ABI3: variants seen among roughly 807,000 people sequenced by gnomAD.
The protein encoded by ABI3 is ABI gene family member 3.
In ABI3, 24 loss-of-function variants were observed where a neutral mutation model predicts 37.0. That is an observed-to-expected ratio of 0.65 (90% confidence interval 0.47 to 0.91). The LOEUF is 0.91. Among genes scored for constraint, ABI3 ranks in the 40% least tolerant of loss-of-function variants. The pLI is 0.00. For synonymous variants in ABI3, 220 were observed against 211.8 expected (o/e 1.04, Z -0.34); for missense variants, 481 against 485.1 (o/e 0.99, Z 0.08).
At position 49,210,741 on chromosome 17, in the gene ABI3, A is replaced by C. The variant is rs2043156194; in HGVS notation, c.17A>C (p.Gln6Pro). MAELQ[Q>P]LQEFEIPTGR... The stretch of plus-strand genomic sequence containing the variant: ...CTGGGGGTGATGGCGGAGCTACAGC[A>C]GCTGCAGGAGTTTGAGATCCCCACT... Residue 6 changes from glutamine (Q) to proline (P), a missense_variant, in exon 1 of 8, where the codon CAG becomes CCG. By Grantham distance (76) the Gln-to-Pro change is moderately conservative. Transcript: ENST00000225941. This position sits in a 1 kb window ranked among gnomAD's most constrained non-coding sequence, Gnocchi z 4.2. 2 of 1,556,090 alleles carry C rather than the reference A, an allele frequency of 1.3e-6. No individual in the cohort carries two copies. Among genetic ancestry groups the C allele is most frequent in the Non-Finnish European group, 1.7e-6 (2 of 1,149,868 alleles).
intron 3 of ABI3, among the ~76,000 whole-genome samples, chr17:49,218,770 AT>A (rs71144583): frequency 4.7e-3 from 625 of 131,738 alleles, no homozygotes; most frequent in Middle Eastern, 7.6e-3. Context: ...TGCCCGGCTA[AT>A]TTTTTTTTTT....
intron 3 of ABI3, among the ~76,000 whole-genome samples, chr17:49,218,792 T>C (rs1486431829): frequency 2.0e-5 from 3 of 147,700 alleles, no homozygotes; most frequent in African/African-American, 7.6e-5. Flanking sequence ...TTTTTTTGTA[T>C]TTTTAGTAGA....
Position 49,219,699 on chromosome 17 carries a change from G to A in ABI3, c.548+74G>A, listed in dbSNP as rs1598244356. On this transcript the variant is annotated intron_variant, in intron 4 of 7. Coordinates refer to ENST00000225941, the MANE Select transcript of ABI3 (RefSeq NM_016428.3). The surrounding 1 kb of genome is among the most constrained non-coding windows in gnomAD (Gnocchi z 4.3). ...CCTGAAACTCTCCTCCCCCAGCCTC[G>A]CCACCCACCCCTGGCGCCCCCGGGT... 4 of 1,466,672 alleles carry A rather than the reference G, an allele frequency of 2.7e-6. No individual in the cohort carries two copies. The highest frequency in any genetic ancestry group is 1.4e-5 in the African/African-American group (1 of 71,272). 90.9% of individuals were successfully genotyped at this position (1,466,672 alleles called of 1,614,324 possible). A position where few individuals can be genotyped will look rare whatever the true frequency, so the allele number is the denominator to read the frequency against.
chr17:49,211,922 A>G (rs2043171739), intron 1 of ABI3, among the ~76,000 whole-genome samples: 1 of 149,922 alleles, frequency 6.7e-6, no homozygotes, highest in Admixed American at 6.7e-5. Context: ...CTGGGATTAC[A>G]GGAGTGAGCC....
At chr17:49,217,337 T>A (rs1838173483) in intron 2 of ABI3, among the ~76,000 whole-genome samples, 1 of 151,988 alleles carries the variant, frequency 6.6e-6, no homozygotes, top group Non-Finnish European at 1.5e-5. Flanking sequence ...TGAGAGGAAG[T>A]CAATTTACTT....
Position 49,219,400 on chromosome 17 carries a change from T to G in ABI3, c.463-140T>G. The G allele has an allele frequency of 2.9e-6, 2 of 695,816 alleles. No homozygotes were observed. The highest frequency in any genetic ancestry group is 4.9e-6 in the Non-Finnish European group (2 of 410,940). 43.1% of individuals were successfully genotyped at this position (695,816 alleles called of 1,614,324 possible). On this transcript the variant is annotated intron_variant, in intron 3 of 7. Transcript: ENST00000225941. This position sits in a 1 kb window ranked among gnomAD's most constrained non-coding sequence, Gnocchi z 4.3. ...GTGGGGGAAGTGTAGGAGAGGGGCC[T>G]GAGAAGTGGAAGTGGGAACTGGCTA...
chr17:49,221,676 A>G (rs2043290432), intron 6 of ABI3, among the ~76,000 whole-genome samples: 1 of 152,168 alleles, frequency 6.6e-6, no homozygotes, highest in African/African-American at 2.4e-5. Flanking sequence ...TGGGAAGACC[A>G]GGACAGGAGA....
chr17:49,211,915 G>A lies in ABI3; in HGVS notation c.117+1074G>A, dbSNP rs543538928. 7.4e-4 allele frequency among the ~76,000 whole-genome samples: 112 copies of A among 151,490 alleles called. 3 individuals are homozygous for A. In the South Asian group the frequency reaches 0.023, roughly 31 times the overall value. On this transcript the variant is annotated intron_variant, in intron 1 of 7. Coordinates refer to ENST00000225941, the MANE Select transcript of ABI3 (RefSeq NM_016428.3). ...CCCGCCTTGGCCTCCCAAAGTTCTG[G>A]GATTACAGGAGTGAGCCACTGTGCC...
In ABI3 at chr17:49,217,726, C is replaced by A. The variant is rs752067935; in HGVS notation, c.286-13C>A. On this transcript the variant is annotated splice_polypyrimidine_tract_variant and intron_variant, in intron 2 of 7. Transcript: ENST00000225941. ...GACCACCCCTCTCTGTCACCTTGAA[C>A]CCTGTCATGCAGATGGTGAACATGC... 7 of 1,600,690 alleles carry A rather than the reference C, an allele frequency of 4.4e-6. No individual in the cohort carries two copies. In the African/African-American group the frequency reaches 9.4e-5, roughly 22 times the overall value.
chr17:49,214,411 C>CA (rs1159065287), intron 1 of ABI3, among the ~76,000 whole-genome samples: 4 of 151,620 alleles, frequency 2.6e-5, no homozygotes, highest in East Asian at 3.9e-4. Flanking sequence ...CTGGGACCAA[C>CA]AAAAAAAAAT....
Position 49,223,004 on chromosome 17 carries a change from A to G in ABI3, c.*289A>G. 2.0e-6 allele frequency: 1 copy of G among 502,256 alleles called. No homozygotes were observed. Among genetic ancestry groups the G allele is most frequent in the Non-Finnish European group, 3.5e-6 (1 of 283,184 alleles). 31.1% of individuals were successfully genotyped at this position (502,256 alleles called of 1,614,324 possible). ...TGCAAGTCCCAACTTTGAATAAAAC[A>G]GATGATGTCCTGTGACTGCCCCACA... On this transcript the variant is annotated 3_prime_UTR_variant, in exon 8 of 8. Transcript: ENST00000225941.
chr17:49,221,750 C>T (rs551455289), intron 6 of ABI3, among the ~76,000 whole-genome samples: 1 of 152,278 alleles, frequency 6.6e-6, no homozygotes, highest in Middle Eastern at 3.4e-3. Context: ...GAGTCTCACT[C>T]TGTCATCCAG....
chr17:49,216,694 G>A lies in ABI3; in HGVS notation c.281G>A (p.Gly94Asp). The A allele has an allele frequency of 6.4e-7, 1 of 1,559,982 alleles. No individual in the cohort carries two copies. The highest frequency in any genetic ancestry group is 1.2e-5 in the South Asian group (1 of 84,388). Residue 94 changes from glycine (G) to aspartate (D), a missense_variant, in exon 2 of 8, where the codon GGC becomes GAC. By Grantham distance (94) the Gly-to-Asp change is moderately conservative. Transcript: ENST00000225941. ...RQVEARVSTL[G>D]QMVNMHMEKV... ...GTGGAAGCCCGTGTAAGCACGCTGGGCCAGGTAAGGGGCGTGGGGCGTGGG... is the reference window on the plus strand; with the variant it reads ...GTGGAAGCCCGTGTAAGCACGCTGGACCAGGTAAGGGGCGTGGGGCGTGGG...
intron 1 of ABI3, among the ~76,000 whole-genome samples, chr17:49,211,840 C>T (rs951195574): frequency 2.0e-5 from 3 of 152,098 alleles, no homozygotes; most frequent in Admixed American, 1.3e-4. Context: ...GACAGGGTTT[C>T]GCCATGTTGG....
At chr17:49,216,059 C>T (rs2043214847) in intron 1 of ABI3, among the ~76,000 whole-genome samples, 2 of 150,810 alleles carry the variant, frequency 1.3e-5, no homozygotes, top group Admixed American at 6.6e-5. Context: ...TGTGGTGAGC[C>T]GAGATCGCAC....
intron 1 of ABI3, among the ~76,000 whole-genome samples, chr17:49,212,579 G>A (rs1024956191): frequency 6.6e-6 from 1 of 152,162 alleles, no homozygotes; most frequent in African/African-American, 2.4e-5. Flanking sequence ...CTTCTTTTGG[G>A]CCAGGCATGT....
chr17:49,219,425 A>T lies in ABI3; in HGVS notation c.463-115A>T, dbSNP rs2043254747. 2 of 879,964 alleles carry T rather than the reference A, an allele frequency of 2.3e-6. No homozygotes were observed. Among genetic ancestry groups the T allele is most frequent in the African/African-American group, 3.4e-5 (2 of 59,150 alleles). The allele number at this position is 879,964 out of a possible 1,614,324, so 54.5% of individuals were successfully genotyped here. A position where few individuals can be genotyped will look rare whatever the true frequency, so the allele number is the denominator to read the frequency against. ...TGAGAAGTGGAAGTGGGAACTGGCTATGCCGGGCTCTCCCTCCCGGTTCCC... is the reference window on the plus strand; with the variant it reads ...TGAGAAGTGGAAGTGGGAACTGGCTTTGCCGGGCTCTCCCTCCCGGTTCCC... On this transcript the variant is annotated intron_variant, in intron 3 of 7. Transcript: ENST00000225941. This position sits in a 1 kb window ranked among gnomAD's most constrained non-coding sequence, Gnocchi z 4.3.
chr17:49,222,730 C>T lies in ABI3; in HGVS notation c.*15C>T. On this transcript the variant is annotated 3_prime_UTR_variant, in exon 8 of 8. Transcript: ENST00000225941. ...CCAGCTGCTGACAGCCCAGGGCTCT[C>T]TGGGCAGCTGATGTCTGCACTGAGT... 6.5e-7 allele frequency: 1 copy of T among 1,549,476 alleles called. No homozygotes were observed. The highest frequency in any genetic ancestry group is 8.7e-7 in the Non-Finnish European group (1 of 1,148,172).
intron 6 of ABI3, among the ~76,000 whole-genome samples, chr17:49,221,364 G>A (rs371849564): frequency 7.3e-5 from 11 of 149,996 alleles, no homozygotes; most frequent in South Asian, 2.1e-4. Flanking sequence ...CCAGCTACTC[G>A]GGAGGCTGAG....
Sources: gnomAD v4.1 joint callset for allele counts (sites outside exome capture counted in the v4.1 genomes callset) on GRCh38, gnomAD v4.1.1 for gene constraint, Gnocchi (gnomAD v3.1) non-coding constraint, MANE v1.5 for transcripts, NCBI Gene and HGNC (gene_info 2026-07-23, HGNC 2026-07-21) for gene names.